Variants in CENPW observed in about 807,000 individuals in gnomAD.
The protein encoded by CENPW is centromere protein W.
A neutral mutation model predicts 11.1 loss-of-function variants in CENPW; 3 were observed. The ratio of observed to expected loss-of-function variants is 0.27; its 90% CI spans 0.12 to 0.70. The LOEUF (loss-of-function observed/expected upper bound fraction) is 0.70, where lower values mean the gene tolerates loss of function less well. Ranked by LOEUF, CENPW falls within the 30% of genes least tolerant of loss-of-function variation. The pLI is 0.77. For missense variants in CENPW, 100 were observed against 105.6 expected (o/e 0.95, Z 0.23); for synonymous variants, 38 against 42.0 (o/e 0.91, Z 0.37).
chr6:126,387,908 A>G, the CENPW span, among the ~76,000 whole-genome samples: 1 of 151,990 alleles, frequency 6.6e-6, no homozygotes, highest in Non-Finnish European at 1.5e-5. Context: ...CTTATGAAAC[A>G]TACTAGCCAG....
the CENPW span, among the ~76,000 whole-genome samples, chr6:126,413,508 A>G: frequency 8.4e-3 from 1,279 of 152,278 alleles, 14 homozygotes; most frequent in African/African-American, 0.03. Flanking sequence ...AATGAGGAAG[A>G]AACAAAATCT....
the CENPW span, among the ~76,000 whole-genome samples, chr6:126,422,605 C>A: frequency 6.6e-6 from 1 of 152,106 alleles, no homozygotes; most frequent in Admixed American, 6.6e-5. Context: ...CAGTCTATCA[C>A]AGTCTTTCAT....
the CENPW span, among the ~76,000 whole-genome samples, chr6:126,471,569 C>G: frequency 2.6e-5 from 4 of 152,046 alleles, no homozygotes; most frequent in African/African-American, 4.8e-5. Flanking sequence ...AAATGTTCAT[C>G]AACACTGGAA....
At chr6:126,424,022 G>A in the CENPW span, among the ~76,000 whole-genome samples, 1 of 151,822 alleles carries the variant, frequency 6.6e-6, no homozygotes, top group Non-Finnish European at 1.5e-5. Flanking sequence ...AAATTACATT[G>A]AGACATTTTT....
the CENPW span, among the ~76,000 whole-genome samples, chr6:126,359,245 A>G: frequency 1.3e-3 from 202 of 151,980 alleles, 1 homozygote; most frequent in South Asian, 8.1e-3. Flanking sequence ...ATATCTTGAT[A>G]TTGATGTCTA....
At chr6:126,407,605 T>G in the CENPW span, among the ~76,000 whole-genome samples, 1 of 152,200 alleles carries the variant, frequency 6.6e-6, no homozygotes, top group Non-Finnish European at 1.5e-5. Context: ...TGTTGTTTCT[T>G]GACTTTTTAA....
At chr6:126,398,258 C>T in the CENPW span, among the ~76,000 whole-genome samples, 1 of 152,176 alleles carries the variant, frequency 6.6e-6, no homozygotes, top group Non-Finnish European at 1.5e-5. Context: ...TAAATTTAGG[C>T]TTCATAGGAA....
chr6:126,478,126 A>AT, the CENPW span, among the ~76,000 whole-genome samples: 1 of 151,900 alleles, frequency 6.6e-6, no homozygotes, highest in Non-Finnish European at 1.5e-5. Flanking sequence ...TTTATACAGG[A>AT]TTTCTTCTTC....
the CENPW span, among the ~76,000 whole-genome samples, chr6:126,439,299 C>CTTGTGTTT: frequency 4.0e-5 from 6 of 151,632 alleles, no homozygotes; most frequent in Non-Finnish European, 8.9e-5. Context: ...ATATGGTAAA[C>CTTGTGTTT]ACAAGCATGG....
At chr6:126,345,301 T>A (rs949971782) in intron 1 of CENPW, among the ~76,000 whole-genome samples, 1 of 151,984 alleles carries the variant, frequency 6.6e-6, no homozygotes, top group African/African-American at 2.4e-5. Flanking sequence ...TATCTGAAGA[T>A]GAGTACATAT....
the CENPW span, among the ~76,000 whole-genome samples, chr6:126,404,723 T>C: frequency 4.6e-5 from 7 of 152,058 alleles, no homozygotes; most frequent in African/African-American, 1.4e-4. Flanking sequence ...TGAGATGATA[T>C]TGTGTTTGTG....
the CENPW span, among the ~76,000 whole-genome samples, chr6:126,438,880 ATTATC>A: frequency 4.0e-5 from 6 of 151,752 alleles, no homozygotes; most frequent in Non-Finnish European, 8.9e-5. Flanking sequence ...TGATAGAATA[ATTATC>A]TTATGTTTCT....
At chr6:126,426,631 G>A in the CENPW span, among the ~76,000 whole-genome samples, 1 of 151,998 alleles carries the variant, frequency 6.6e-6, no homozygotes, top group East Asian at 1.9e-4. Context: ...TAATTCAGTG[G>A]GGAAATCAAT....
chr6:126,476,618 T>C, the CENPW span, among the ~76,000 whole-genome samples: 2 of 152,014 alleles, frequency 1.3e-5, no homozygotes, highest in Admixed American at 1.3e-4. Flanking sequence ...CCCAAAGACC[T>C]TGTAATTCTG....
At chr6:126,416,761 C>T in the CENPW span, among the ~76,000 whole-genome samples, 2 of 152,174 alleles carry the variant, frequency 1.3e-5, no homozygotes, top group Admixed American at 6.5e-5. Context: ...GATTTGGGAA[C>T]CTTCACCTAG....
the CENPW span, among the ~76,000 whole-genome samples, chr6:126,466,643 G>T: frequency 6.6e-6 from 1 of 152,036 alleles, no homozygotes; most frequent in Non-Finnish European, 1.5e-5. Flanking sequence ...CCTGTTGTGT[G>T]TGCATCCATA....
the CENPW span, among the ~76,000 whole-genome samples, chr6:126,434,911 T>C: frequency 1.3e-5 from 2 of 151,990 alleles, no homozygotes; most frequent in South Asian, 2.1e-4. Flanking sequence ...TCAATATGAA[T>C]TGCTGTCTAT....
the CENPW span, among the ~76,000 whole-genome samples, chr6:126,461,966 G>C: frequency 6.6e-6 from 1 of 151,848 alleles, no homozygotes; most frequent in East Asian, 1.9e-4. Flanking sequence ...ATTGTAAGGT[G>C]AGTAAATTGT....
chr6:126,470,423 T>C, the CENPW span, among the ~76,000 whole-genome samples: 2 of 152,188 alleles, frequency 1.3e-5, no homozygotes, highest in African/African-American at 4.8e-5. Context: ...TCACAGGATG[T>C]ATGGAAATGC....
Sources: allele counts gnomAD v4.1 joint callset (sites outside exome capture counted in the v4.1 genomes callset), GRCh38; gene constraint gnomAD v4.1.1; transcripts MANE v1.5; gene names NCBI Gene and HGNC (gene_info 2026-07-23, HGNC 2026-07-21).